Variants in NCKAP1L observed in about 807,000 individuals in gnomAD.
The protein encoded by NCKAP1L is nck-associated protein 1-like.
A neutral mutation model predicts 139.2 loss-of-function variants in NCKAP1L; 53 were observed. The observed-to-expected ratio is 0.38, with a 90% CI of 0.31 to 0.48. The LOEUF (loss-of-function observed/expected upper bound fraction) is 0.48. Ranked by LOEUF, NCKAP1L falls within the 20% of genes least tolerant of loss-of-function variation. The pLI, the probability that NCKAP1L is intolerant of heterozygous loss-of-function variation, is 0.98. For synonymous variants in NCKAP1L, 468 were observed against 499.7 expected, an observed-to-expected ratio of 0.94 and a Z score of 0.85; for missense variants, 1,151 against 1,381.9, an observed-to-expected ratio of 0.83 and a Z score of 2.65.
intron 3 of NCKAP1L, among the ~76,000 whole-genome samples, chr12:54,504,870 G>A (rs930618676): frequency 1.3e-5 from 2 of 152,194 alleles, no homozygotes; most frequent in East Asian, 1.9e-4. Context: ...TGTTATTTCC[G>A]TTCCCTTCTG....
chr12:54,509,637 G>A, intron 5 of NCKAP1L, 32 bp from the exon 6 acceptor site: 2 of 1,477,848 alleles, frequency 1.4e-6, no homozygotes, highest in African/African-American at 1.4e-5. Flanking sequence ...GGTAAGGGAG[G>A]GCTGTAACCC....
chr12:54,509,610 TA>T, intron 5 of NCKAP1L, 58 bp from the exon 6 acceptor site: 1 of 1,191,816 alleles, frequency 8.4e-7, no homozygotes, highest in Non-Finnish European at 1.3e-6. Context: ...TATGCAAACA[TA>T]AGAGTTCAAG....
intron 18 of NCKAP1L, among the ~76,000 whole-genome samples, chr12:54,521,789 A>G (rs1453251703): frequency 2.0e-5 from 3 of 152,098 alleles, no homozygotes; most frequent in African/African-American, 7.2e-5. Context: ...TTTGAAAATG[A>G]GAAACTTGTT....
Position 54,546,544 on chromosome 12 carries a change from C to CTTA in NCKAP1L, c.*3861_*3863dup, listed in dbSNP as rs1299400884. The stretch of plus-strand genomic sequence containing the variant: ...GCTTCCTTAACCTTAGGTCCTCATG[C>CTTA]TTATATTAGTTCTTCTCCAACAAAG... On this transcript the variant is annotated 3_prime_UTR_variant, in exon 31 of 31. Coordinates refer to ENST00000293373, the MANE Select transcript of NCKAP1L (RefSeq NM_005337.5). 1.3e-5 allele frequency: 2 copies of CTTA among 152,098 alleles called. No individual in the cohort carries two copies. The highest frequency in any genetic ancestry group is 2.9e-5 in the Non-Finnish European group (2 of 68,048). 9.4% of individuals were successfully genotyped at this position (152,098 alleles called of 1,614,324 possible).
At chr12:54,532,831 G>A (rs1957083808) in intron 26 of NCKAP1L, among the ~76,000 whole-genome samples, 1 of 152,092 alleles carries the variant, frequency 6.6e-6, no homozygotes, top group Admixed American at 6.6e-5. Context: ...TCCCACCTTT[G>A]AGTCATCTTG....
At position 54,528,260 on chromosome 12, in the gene NCKAP1L, C is replaced by T. The variant is rs779858287; in HGVS notation, c.2389C>T (p.Leu797=). Residue 797 remains leucine (L), a synonymous_variant, in exon 22 of 31, where the codon CTG becomes TTG. Coordinates refer to ENST00000293373, the MANE Select transcript of NCKAP1L (RefSeq NM_005337.5). The stretch of plus-strand genomic sequence containing the variant: ...CCAACCCTGTAGGTACCTGGAAAGT[C>T]TGCTTAGACAGGCAAGCAGTGGGAC... ...TLYTNWYLES[L]LRQASSGTII... The T allele has an allele frequency of 3.1e-6, 5 of 1,613,762 alleles. No individual in the cohort carries two copies. The highest frequency in any genetic ancestry group is 1.7e-4 in the Middle Eastern group (1 of 6,060).
At chr12:54,533,091 G>A (rs530239725) in intron 26 of NCKAP1L, among the ~76,000 whole-genome samples, 7 of 152,284 alleles carry the variant, frequency 4.6e-5, no homozygotes, top group Non-Finnish European at 8.8e-5. Flanking sequence ...AATCATGAGG[G>A]GCAAGTGACT....
chr12:54,543,649 G>A lies in NCKAP1L; in HGVS notation c.*964G>A, dbSNP rs1319062065. 1 of 152,204 alleles carries A rather than the reference G, an allele frequency of 6.6e-6. No homozygotes were observed. The allele number at this position is 152,204 out of a possible 1,614,324, so 9.4% of individuals were successfully genotyped here. The stretch of plus-strand genomic sequence containing the variant: ...AGACCTCATTAGGTTGTATGGCCCT[G>A]AGAGTGGGTATCCTTGAGGGAGTAC... On this transcript the variant is annotated 3_prime_UTR_variant, in exon 31 of 31. Transcript: ENST00000293373.
At chr12:54,537,097 T>C in intron 29 of NCKAP1L, 44 bp downstream of exon 29, 9 of 1,353,202 alleles carry the variant, frequency 6.7e-6, no homozygotes, top group Non-Finnish European at 9.5e-6. Context: ...TGCAAAGGGC[T>C]GGAATTGGTT....
At chr12:54,527,559 T>C (rs1417152928) in intron 21 of NCKAP1L, among the ~76,000 whole-genome samples, 2 of 152,206 alleles carry the variant, frequency 1.3e-5, no homozygotes, top group Admixed American at 6.5e-5. Context: ...TTCAAAATTT[T>C]GACAAAGAAT....
intron 1 of NCKAP1L, 139 bp from the exon 2 acceptor site, chr12:54,499,216 G>A (rs11170949): frequency 0.083 from 48,178 of 577,862 alleles, 2,810 homozygotes; most frequent in African/African-American, 0.23. Flanking sequence ...GAGCCGCTGC[G>A]CCCAGCCTCT....
At position 54,516,877 on chromosome 12, in the gene NCKAP1L, T is replaced by C. The variant is rs1378589162; in HGVS notation, c.999-19T>C. 4.4e-6 allele frequency: 7 copies of C among 1,607,204 alleles called. No individual in the cohort carries two copies. Among genetic ancestry groups the C allele is most frequent in the Non-Finnish European group, 5.1e-6 (6 of 1,175,036 alleles). On this transcript the variant is annotated intron_variant, in intron 10 of 30. Transcript: ENST00000293373. ...AAGGGTGGGAGAGGTGATAGTCATG[T>C]TCCCCTTTTCTTCCTTAGTGGCCAG...
chr12:54,528,462 G>A, intron 22 of NCKAP1L, 85 bp downstream of exon 22: 2 of 1,507,384 alleles, frequency 1.3e-6, no homozygotes, highest in East Asian at 2.3e-5. Context: ...CATGTATTTA[G>A]GTTGGTGCAA....
rs928216297 is a variant in NCKAP1L at position 54,519,174 on chromosome 12, A to C, written c.1480-13A>C. On this transcript the variant is annotated splice_polypyrimidine_tract_variant and intron_variant, in intron 15 of 30. Transcript: ENST00000293373. ...TCTTATTTTTCTCCACACTTTCCCA[A>C]CTCCAACCGCAGGCATACACTAGCG... 1.3e-6 allele frequency: 2 copies of C among 1,552,776 alleles called. No homozygotes were observed. The highest frequency in any genetic ancestry group is 1.7e-6 in the Non-Finnish European group (2 of 1,155,794).
intron 17 of NCKAP1L, 111 bp downstream of exon 17, chr12:54,520,937 T>G: frequency 6.7e-7 from 1 of 1,499,190 alleles, no homozygotes; most frequent in Admixed American, 1.7e-5. Flanking sequence ...AACATAGATG[T>G]ATGATATGAG....
intron 11 of NCKAP1L, 124 bp downstream of exon 11, chr12:54,517,116 T>C: frequency 1.3e-6 from 1 of 763,670 alleles, no homozygotes; most frequent in Non-Finnish European, 2.2e-6. Flanking sequence ...ATATATGCGA[T>C]TCCCTTGAAC....
chr12:54,514,148 T>G lies in NCKAP1L; in HGVS notation c.941+2043T>G, dbSNP rs79858178. ...TCTTTGAATATCAGTCTATAGAGAC[T>G]TATTATTTTTAACAGTTGAATAATA... On this transcript the variant is annotated intron_variant, in intron 9 of 30. Transcript: ENST00000293373. 9.0e-4 allele frequency among the ~76,000 whole-genome samples: 137 copies of G among 152,328 alleles called. 2 individuals are homozygous for G. In the East Asian group the frequency reaches 0.025, roughly 28 times the overall value.
At chr12:54,521,720 C>T (rs1006457741) in intron 18 of NCKAP1L, among the ~76,000 whole-genome samples, 2 of 152,124 alleles carry the variant, frequency 1.3e-5, no homozygotes, top group African/African-American at 4.8e-5. Flanking sequence ...TTTCCCCTCT[C>T]CTCCCTTGAC....
rs2120892396 is a variant in NCKAP1L, at chr12:54,507,903, T to G, written c.357T>G (p.Phe119Leu). 1.9e-6 allele frequency: 3 copies of G among 1,613,972 alleles called. No homozygotes were observed. Among genetic ancestry groups the G allele is most frequent in the Non-Finnish European group, 2.5e-6 (3 of 1,179,828 alleles). The change falls in exon 4 of 31, where the codon TTT (phenylalanine) becomes TTG (leucine). Residue 119 changes from phenylalanine (F) to leucine (L), a missense_variant. Coordinates refer to ENST00000293373, the MANE Select transcript of NCKAP1L (RefSeq NM_005337.5). ...CCATTGATGCCTGCCAGTGCCATTTTGATATCGTAAGAACCTTTGCAATTC... is the reference window on the plus strand; with the variant it reads ...CCATTGATGCCTGCCAGTGCCATTTGGATATCGTAAGAACCTTTGCAATTC... ...LNTIDACQCHFDINLNFDFTR... is the reference protein window; with the variant it reads ...LNTIDACQCHLDINLNFDFTR...
Sources: allele counts gnomAD v4.1 joint callset (sites outside exome capture counted in the v4.1 genomes callset), GRCh38; gene constraint gnomAD v4.1.1; transcripts MANE v1.5; gene names NCBI Gene and HGNC (gene_info 2026-07-23, HGNC 2026-07-21).